Variants in CSMD1 observed in about 807,000 individuals in gnomAD.
CSMD1 encodes the protein CUB and Sushi multiple domains 1, also known as CUB and sushi domain-containing protein 1.
A neutral mutation model predicts 417.5 loss-of-function variants in CSMD1; 213 were observed. That is an observed-to-expected ratio of 0.51 (90% CI 0.46 to 0.57). The LOEUF is 0.57. Ranked by LOEUF, CSMD1 falls within the 20% of genes least tolerant of loss-of-function variation. The pLI, the probability that CSMD1 is intolerant of heterozygous loss-of-function variation, is 0.00. For synonymous variants in CSMD1, 2,862 were observed against 1,736.8 expected, an observed-to-expected ratio of 1.65 and a Z score of -16.11; for missense variants, 6,923 against 4,529.7, an observed-to-expected ratio of 1.53 and a Z score of -15.17.
chr8:4,491,695 G>A (rs904922237), intron 2 of CSMD1, among the ~76,000 whole-genome samples: 3 of 152,080 alleles, frequency 2.0e-5, no homozygotes, highest in African/African-American at 7.2e-5. Context: ...ATGAAGAATC[G>A]CTAAAATCCA....
chr8:4,678,081 G>A (rs1805806622), intron 1 of CSMD1, among the ~76,000 whole-genome samples: 1 of 152,028 alleles, frequency 6.6e-6, no homozygotes, highest in Non-Finnish European at 1.5e-5. Context: ...ATGAATTAAA[G>A]GAACTCTCTT....
At chr8:4,308,662 G>A (rs1411775814) in intron 3 of CSMD1, among the ~76,000 whole-genome samples, 1 of 152,178 alleles carries the variant, frequency 6.6e-6, no homozygotes, top group Non-Finnish European at 1.5e-5. Flanking sequence ...CAGTTTATAA[G>A]AGGCTTTACG....
At chr8:4,822,881 T>C (rs1168270297) in intron 1 of CSMD1, among the ~76,000 whole-genome samples, 4 of 152,140 alleles carry the variant, frequency 2.6e-5, no homozygotes, top group Non-Finnish European at 5.9e-5. Flanking sequence ...TAATATGTTA[T>C]GTTAATGTGA....
chr8:3,293,201 G>T (rs867607907), intron 25 of CSMD1, among the ~76,000 whole-genome samples: 3 of 152,046 alleles, frequency 2.0e-5, no homozygotes, highest in Non-Finnish European at 4.4e-5. Context: ...ATCCGCTGTT[G>T]GTCTGATGGG....
chr8:3,378,552 G>A (rs535757885), intron 18 of CSMD1, among the ~76,000 whole-genome samples: 3 of 152,132 alleles, frequency 2.0e-5, no homozygotes, highest in African/African-American at 7.2e-5. Context: ...TATCCACCAT[G>A]ATCAAGTCAG....
intron 26 of CSMD1, among the ~76,000 whole-genome samples, chr8:3,283,683 CAGA>C (rs1404007710): frequency 6.6e-6 from 1 of 152,088 alleles, no homozygotes; most frequent in Non-Finnish European, 1.5e-5. Flanking sequence ...ACCTTCATTC[CAGA>C]AGGACACTCC....
At chr8:3,351,796 T>G in intron 21 of CSMD1, among the ~76,000 whole-genome samples, 1 of 149,676 alleles carries the variant, frequency 6.7e-6, no homozygotes, top group African/African-American at 2.4e-5. Flanking sequence ...ATGTATAATA[T>G]ACATACAATG....
chr8:4,972,137 CCCCT>C (rs1289445074), intron 1 of CSMD1, among the ~76,000 whole-genome samples: 1 of 151,990 alleles, frequency 6.6e-6, no homozygotes, highest in African/African-American at 2.4e-5. Flanking sequence ...TTATACGCTG[CCCCT>C]GTAGGTAGAA....
chr8:3,017,094 T>C (rs994419964), intron 52 of CSMD1, among the ~76,000 whole-genome samples: 28 of 152,224 alleles, frequency 1.8e-4, no homozygotes, highest in Admixed American at 1.8e-3. Context: ...TTACGGATGT[T>C]TGTAAGCAGT....
intron 3 of CSMD1, among the ~76,000 whole-genome samples, chr8:4,249,017 A>G (rs1476599085): frequency 6.6e-6 from 1 of 152,216 alleles, no homozygotes; most frequent in Non-Finnish European, 1.5e-5. Context: ...TAATGAACTT[A>G]CAACAGTGCC....
intron 3 of CSMD1, among the ~76,000 whole-genome samples, chr8:4,072,706 G>A (rs1202844867): frequency 6.6e-6 from 1 of 152,112 alleles, no homozygotes; most frequent in Non-Finnish European, 1.5e-5. Context: ...TCTGTGAATT[G>A]GGAATACAGA....
intron 27 of CSMD1, among the ~76,000 whole-genome samples, chr8:3,227,550 A>T (rs949425225): frequency 6.6e-6 from 1 of 152,230 alleles, no homozygotes; most frequent in African/African-American, 2.4e-5. Flanking sequence ...CAACTTAATT[A>T]TACAATAATA....
intron 50 of CSMD1, among the ~76,000 whole-genome samples, chr8:3,039,350 C>A (rs1452929160): frequency 2.1e-5 from 3 of 143,210 alleles, no homozygotes; most frequent in African/African-American, 8.8e-5. Context: ...TTTCCGCCTT[C>A]CTTCCTTCCT....
intron 2 of CSMD1, among the ~76,000 whole-genome samples, chr8:4,594,193 A>ATTTTTT (rs1213486937): frequency 1.1e-5 from 1 of 88,110 alleles, no homozygotes; most frequent in Non-Finnish European, 2.4e-5. Flanking sequence ...TTCTAAAGTG[A>ATTTTTT]TCTTTTTTTT....
chr8:3,874,319 G>T (rs972197785), intron 5 of CSMD1, among the ~76,000 whole-genome samples: 1 of 152,118 alleles, frequency 6.6e-6, no homozygotes. Context: ...TACAGGCTGC[G>T]TAACTCTTAT....
chr8:3,991,852 C>T (rs977797538), intron 5 of CSMD1, among the ~76,000 whole-genome samples: 4 of 152,134 alleles, frequency 2.6e-5, no homozygotes, highest in African/African-American at 7.2e-5. Flanking sequence ...TATTTAACTA[C>T]TTTGAAGCCT....
In CSMD1 at chr8:2,961,223, T is replaced by C. The variant is rs764560430; in HGVS notation, c.9629-9A>G. 1.3e-6 allele frequency: 2 copies of C among 1,578,284 alleles called. No individual in the cohort carries two copies. The highest frequency in any genetic ancestry group is 2.3e-5 in the East Asian group (1 of 44,140). ...GGTGTTATGAGCAGGATCTGAAATTTGTGATTTAAAAAGAAAAGAGGGCAC... is the reference window on the plus strand; with the variant it reads ...GGTGTTATGAGCAGGATCTGAAATTCGTGATTTAAAAAGAAAAGAGGGCAC... On this transcript the variant is annotated splice_polypyrimidine_tract_variant and intron_variant, in intron 61 of 69. Coordinates refer to ENST00000635120, the MANE Select transcript of CSMD1 (RefSeq NM_033225.6).
intron 40 of CSMD1, among the ~76,000 whole-genome samples, chr8:3,143,647 C>A (rs1165589857): frequency 6.6e-6 from 1 of 152,056 alleles, no homozygotes; most frequent in Non-Finnish European, 1.5e-5. Flanking sequence ...TAAGCTGGGC[C>A]GTAAAACCTA....
intron 7 of CSMD1, among the ~76,000 whole-genome samples, chr8:3,652,849 G>C (rs1056386423): frequency 5.3e-5 from 8 of 152,158 alleles, no homozygotes; most frequent in Admixed American, 2.6e-4. Flanking sequence ...CGTATTGGCA[G>C]AACCTAGAAC....
Sources: gnomAD v4.1 joint callset for allele counts (sites outside exome capture counted in the v4.1 genomes callset) on GRCh38, gnomAD v4.1.1 for gene constraint, MANE v1.5 for transcripts, NCBI Gene and HGNC (gene_info 2026-07-23, HGNC 2026-07-21) for gene names.